THADA: variants seen among roughly 807,000 people sequenced by gnomAD.
THADA encodes tRNA (32-2'-O)-methyltransferase regulator THADA.
A neutral mutation model predicts 219.8 loss-of-function variants in THADA; 213 were observed. The observed-to-expected ratio is 0.97, with a 90% CI of 0.87 to 1.09. The LOEUF is 1.09. Ranked by LOEUF, THADA falls within the 50% of genes least tolerant of loss-of-function variation. THADA has a pLI of 0.00. For missense variants in THADA, 2,956 were observed against 2,311.3 expected, an observed-to-expected ratio of 1.28 and a Z score of -5.72; for synonymous variants, 1,018 against 828.9, an observed-to-expected ratio of 1.23 and a Z score of -3.92.
chr2:43,438,629 T>C (rs762078568), intron 26 of THADA, among the ~76,000 whole-genome samples: 6 of 152,132 alleles, frequency 3.9e-5, no homozygotes, highest in Admixed American at 2.0e-4. Flanking sequence ...AGTCCCCGTA[T>C]GTGAGCTTTA....
intron 29 of THADA, among the ~76,000 whole-genome samples, chr2:43,366,141 G>C (rs1670125199): frequency 1.3e-5 from 2 of 152,134 alleles, no homozygotes; most frequent in African/African-American, 4.8e-5. Context: ...TTGAGAAAAA[G>C]GCAACATTTG....
At chr2:43,248,744 C>A (rs1669518349) in intron 36 of THADA, among the ~76,000 whole-genome samples, 1 of 152,070 alleles carries the variant, frequency 6.6e-6, no homozygotes, top group South Asian at 2.1e-4. Flanking sequence ...GGACACAAAT[C>A]TCCTCCATAT....
At chr2:43,393,703 G>A (rs1308439925) in intron 29 of THADA, among the ~76,000 whole-genome samples, 4 of 134,908 alleles carry the variant, frequency 3.0e-5, no homozygotes, top group African/African-American at 8.2e-5. Flanking sequence ...GCGAGACTCC[G>A]TCTTAAAAAA....
At chr2:43,428,285 TC>T (rs1283711234) in intron 27 of THADA, 54 bp from the exon 28 acceptor site, 1 of 1,497,510 alleles carries the variant, frequency 6.7e-7, no homozygotes, top group Non-Finnish European at 9.0e-7. Flanking sequence ...AGTGAAGCAC[TC>T]CTCCTTCAAA....
At chr2:43,472,705 T>C (rs1685038575) in intron 26 of THADA, among the ~76,000 whole-genome samples, 1 of 152,224 alleles carries the variant, frequency 6.6e-6, no homozygotes, top group Non-Finnish European at 1.5e-5. Context: ...ACAATTGCAT[T>C]GTAGTGTAAA....
At chr2:43,401,345 C>T (rs1674809987) in intron 28 of THADA, among the ~76,000 whole-genome samples, 1 of 151,806 alleles carries the variant, frequency 6.6e-6, no homozygotes, top group South Asian at 2.1e-4. Flanking sequence ...GTGGTGTGAT[C>T]TCGGCTCACT....
rs576691102 is a variant in THADA, at chr2:43,475,051, T to C, written c.3836+10183A>G. On this transcript the variant is annotated intron_variant, in intron 26 of 37. Transcript: ENST00000405975. The stretch of plus-strand genomic sequence containing the variant: ...GATTGTTCAGGACAACTGACCTAAG[T>C]TGAGTTCAGAGACCAAGAAGTTACA... Among the ~76,000 whole-genome samples, 8 of 152,218 alleles carry C rather than the reference T, an allele frequency of 5.3e-5. No homozygotes were observed. The East Asian group carries it at 1.5e-3, about 29-fold the overall frequency.
intron 26 of THADA, among the ~76,000 whole-genome samples, chr2:43,473,317 C>G (rs1197214252): frequency 6.6e-6 from 1 of 151,980 alleles, no homozygotes; most frequent in Non-Finnish European, 1.5e-5. Context: ...AAAACATGAA[C>G]ATTAGCCTAG....
intron 25 of THADA, among the ~76,000 whole-genome samples, chr2:43,495,527 A>G (rs984628421): frequency 6.6e-6 from 1 of 152,178 alleles, no homozygotes; most frequent in African/African-American, 2.4e-5. Context: ...GTAATTTAAC[A>G]GGTGACTTTT....
chr2:43,236,597 C>T (rs1668055600), intron 36 of THADA, among the ~76,000 whole-genome samples: 2 of 152,186 alleles, frequency 1.3e-5, no homozygotes, highest in South Asian at 4.1e-4. Context: ...TGGCTCACAC[C>T]TGTAATCCCC....
At chr2:43,392,317 G>T (rs1180202563) in intron 29 of THADA, among the ~76,000 whole-genome samples, 2 of 152,048 alleles carry the variant, frequency 1.3e-5, no homozygotes, top group African/African-American at 2.4e-5. Context: ...AATATTAACA[G>T]AAATATATAT....
intron 15 of THADA, among the ~76,000 whole-genome samples, chr2:43,562,037 G>T (rs1215762190): frequency 6.6e-6 from 1 of 152,102 alleles, no homozygotes; most frequent in Non-Finnish European, 1.5e-5. Flanking sequence ...TTAATGTGGT[G>T]TATTACATTG....
intron 26 of THADA, among the ~76,000 whole-genome samples, chr2:43,448,560 C>CTTTTTTTTTTTTTTTTTTTTTGGTTTTTT (rs71410179): frequency 9.6e-6 from 1 of 103,630 alleles, no homozygotes; most frequent in Non-Finnish European, 1.9e-5. Context: ...TTCTTCCTTT[C>CTTTTTTTTTTTTTTTTTTTTTGGTTTTTT]TTTTTTTTTT....
intron 34 of THADA, 121 bp downstream of exon 34, chr2:43,291,575 A>T (rs1038186362): frequency 6.0e-6 from 3 of 503,168 alleles, no homozygotes; most frequent in Non-Finnish European, 9.8e-6. Flanking sequence ...ATTTCTGTAG[A>T]TGTTACATAC....
intron 28 of THADA, among the ~76,000 whole-genome samples, chr2:43,402,118 G>A (rs995580885): frequency 5.9e-5 from 9 of 152,138 alleles, no homozygotes; most frequent in Admixed American, 1.3e-4. Flanking sequence ...GACCCAGGTG[G>A]AGAACCTCCT....
At chr2:43,378,908 T>A (rs1040729381) in intron 29 of THADA, among the ~76,000 whole-genome samples, 1 of 152,146 alleles carries the variant, frequency 6.6e-6, no homozygotes, top group Non-Finnish European at 1.5e-5. Context: ...ACCAGCCTAA[T>A]AATATCTTCA....
intron 22 of THADA, among the ~76,000 whole-genome samples, chr2:43,523,812 T>C (rs1017620233): frequency 6.6e-6 from 1 of 152,226 alleles, no homozygotes; most frequent in South Asian, 2.1e-4. Context: ...ATTCGAATAT[T>C]TGAAGAGTAA....
chr2:43,502,928 CA>C (rs1343300140), intron 24 of THADA, among the ~76,000 whole-genome samples: 1 of 152,068 alleles, frequency 6.6e-6, no homozygotes, highest in Non-Finnish European at 1.5e-5. Flanking sequence ...AGTCTTTCAA[CA>C]GACAACTTTC....
chr2:43,499,445 C>T lies in THADA; in HGVS notation c.3622-490G>A, dbSNP rs1156419965. ...AGGCTGGAACAGAATGGCACAGTCT[C>T]GGCTCACTACAACCTCCACCTCCCA... On this transcript the variant is annotated intron_variant, in intron 24 of 37. Transcript: ENST00000405975. Among the ~76,000 whole-genome samples the T allele has an allele frequency of 2.6e-5, 4 of 152,162 alleles. 1 individual carries two copies. Among genetic ancestry groups the T allele is most frequent in the Non-Finnish European group, 4.4e-5 (3 of 68,030 alleles).
Sources: allele counts gnomAD v4.1 joint callset (sites outside exome capture counted in the v4.1 genomes callset), GRCh38; gene constraint gnomAD v4.1.1; transcripts MANE v1.5; gene names NCBI Gene and HGNC (gene_info 2026-07-23, HGNC 2026-07-21).